Variants in PHTF2 observed in about 807,000 individuals in gnomAD.
PHTF2 encodes putative homeodomain transcription factor 2, also known as protein PHTF2.
PHTF2 carries 60 observed loss-of-function variants against 101.2 expected under a neutral mutation model. The ratio of observed to expected loss-of-function variants is 0.59; its 90% confidence interval spans 0.48 to 0.73. The LOEUF (loss-of-function observed/expected upper bound fraction) is 0.73, where lower values mean the gene tolerates loss of function less well. Among genes scored for constraint, PHTF2 ranks in the 30% least tolerant of loss-of-function variants. The pLI, the probability that PHTF2 is intolerant of heterozygous loss-of-function variation, is 0.00. For synonymous variants in PHTF2, 311 were observed against 307.3 expected (o/e 1.01, Z -0.13); for missense variants, 747 against 908.7 (o/e 0.82, Z 2.29).
chr7:77,883,886 C>G (rs761441461), intron 3 of PHTF2, among the ~76,000 whole-genome samples: 1 of 152,104 alleles, frequency 6.6e-6, no homozygotes, highest in Admixed American at 6.6e-5. Flanking sequence ...ATAATTGAAG[C>G]CTAGAGAGAT....
rs976181808 is a variant in PHTF2, at chr7:77,884,281, A to G, written c.148-9327A>G. On this transcript the variant is annotated intron_variant, in intron 3 of 19. Transcript: ENST00000416283. Reference sequence around the variant, plus strand: ...TGGGGCACAAGTGGTTTTTGGTTACATGATGAATTATATAGTGATGAAGTC... The same window carrying G: ...TGGGGCACAAGTGGTTTTTGGTTACGTGATGAATTATATAGTGATGAAGTC... 6.6e-5 allele frequency among the ~76,000 whole-genome samples: 10 copies of G among 152,242 alleles called. No homozygotes were observed. In the South Asian group the frequency reaches 1.7e-3, roughly 25 times the overall value.
exon 2 of PHTF2, chr7:77,840,253 T>C: frequency 6.2e-7 from 1 of 1,606,972 alleles, no homozygotes. Flanking sequence ...TTCAGTGGAA[T>C]AAATGGCGTC....
chr7:77,883,134 G>T (rs530485488), intron 3 of PHTF2, among the ~76,000 whole-genome samples: 3 of 152,212 alleles, frequency 2.0e-5, no homozygotes, highest in East Asian at 1.9e-4. Context: ...AGACAAATTT[G>T]TTCGAGAAGT....
chr7:77,906,767 G>C lies in PHTF2; in HGVS notation c.446-2026G>C, dbSNP rs565468300. 5.3e-5 allele frequency among the ~76,000 whole-genome samples: 8 copies of C among 152,212 alleles called. No homozygotes were observed. The East Asian group carries it at 1.4e-3, about 26-fold the overall frequency. On this transcript the variant is annotated intron_variant, in intron 7 of 19. Coordinates refer to ENST00000416283, the Ensembl canonical transcript of PHTF2. ...ACTAAAAATACAAAAAATTAGCCAA[G>C]CGTGGTGGCGGGCACCTGTAGTCCC...
At chr7:77,924,004 A>G (rs2150923229) in intron 11 of PHTF2, 11 of 889,822 alleles carry the variant, frequency 1.2e-5, no homozygotes, top group Non-Finnish European at 1.5e-5. Context: ...ATAAGAAATT[A>G]CATAAATATA....
At chr7:77,890,072 C>G (rs1036080887) in intron 3 of PHTF2, among the ~76,000 whole-genome samples, 1 of 147,188 alleles carries the variant, frequency 6.8e-6, no homozygotes, top group East Asian at 2.0e-4. Context: ...AGTTGCCCTT[C>G]CTCTCACCTA....
At chr7:77,906,654 T>C (rs944796467) in intron 7 of PHTF2, among the ~76,000 whole-genome samples, 21 of 152,224 alleles carry the variant, frequency 1.4e-4, no homozygotes, top group Non-Finnish European at 4.4e-5. Flanking sequence ...TGTTCTCCTT[T>C]GTGTCTGAAA....
At chr7:77,853,715 T>C (rs1314972308) in intron 2 of PHTF2, among the ~76,000 whole-genome samples, 1 of 151,904 alleles carries the variant, frequency 6.6e-6, no homozygotes, top group East Asian at 1.9e-4. Flanking sequence ...GATTTTTTTT[T>C]CTCTCTCTCT....
chr7:77,835,950 T>C (rs1239166119), intron 1 of PHTF2, among the ~76,000 whole-genome samples: 2 of 151,910 alleles, frequency 1.3e-5, no homozygotes, highest in African/African-American at 4.8e-5. Flanking sequence ...AGAAACCCTG[T>C]CTCTACTAAA....
chr7:77,908,789 A>G lies in PHTF2; in HGVS notation c.446-4A>G, dbSNP rs755098403. On this transcript the variant is annotated splice_polypyrimidine_tract_variant and splice_region_variant and intron_variant, in intron 7 of 19. Transcript: ENST00000416283. ...TTAAGCATATTTTCTTTCCCTTTTT[A>G]TAGTTGCTGCAATAGTATTATTCTG... The G allele has an allele frequency of 1.3e-6, 2 of 1,544,810 alleles. No homozygotes were observed. The highest frequency in any genetic ancestry group is 8.8e-7 in the Non-Finnish European group (1 of 1,139,534).
At chr7:77,891,577 T>TG (rs1372228371) in intron 3 of PHTF2, among the ~76,000 whole-genome samples, 5 of 103,872 alleles carry the variant, frequency 4.8e-5, no homozygotes, top group African/African-American at 1.2e-4. Context: ...TAATATGGTT[T>TG]TTTTTTGTTG....
At chr7:77,874,568 G>T (rs1230229045) in intron 3 of PHTF2, among the ~76,000 whole-genome samples, 2 of 152,246 alleles carry the variant, frequency 1.3e-5, no homozygotes, top group African/African-American at 4.8e-5. Context: ...AAAGATATAG[G>T]CTGGGAAGCT....
chr7:77,884,876 G>C (rs1799697238), intron 3 of PHTF2, among the ~76,000 whole-genome samples: 1 of 151,782 alleles, frequency 6.6e-6, no homozygotes, highest in South Asian at 2.1e-4. Context: ...TCCAGCCTGG[G>C]TGACAAAGCG....
intron 3 of PHTF2, among the ~76,000 whole-genome samples, chr7:77,890,888 A>C (rs1212663326): frequency 6.9e-6 from 1 of 144,278 alleles, no homozygotes; most frequent in Non-Finnish European, 1.5e-5. Context: ...TACAGGCGTG[A>C]GCCACCGCAC....
intron 1 of PHTF2, among the ~76,000 whole-genome samples, chr7:77,832,934 A>G (rs1253000259): frequency 3.3e-5 from 5 of 152,288 alleles, no homozygotes; most frequent in African/African-American, 9.6e-5. Context: ...CCCTGGTGCT[A>G]AAAAAGGTTG....
chr7:77,923,018 T>A (rs1053194996), intron 11 of PHTF2: 1 of 1,160,812 alleles, frequency 8.6e-7, no homozygotes, highest in East Asian at 4.3e-5. Flanking sequence ...ACTCATACAT[T>A]GTTTGTTGTT....
At chr7:77,820,538 G>C (rs1794202056) in intron 1 of PHTF2, among the ~76,000 whole-genome samples, 1 of 151,870 alleles carries the variant, frequency 6.6e-6, no homozygotes, top group South Asian at 2.1e-4. Context: ...GTGCGTGTGT[G>C]TGTGTTTGTG....
At chr7:77,866,616 A>T (rs1415094050) in intron 3 of PHTF2, among the ~76,000 whole-genome samples, 1 of 152,206 alleles carries the variant, frequency 6.6e-6, no homozygotes, top group Non-Finnish European at 1.5e-5. Context: ...CAGTAAAAAA[A>T]AAAAGTTAAT....
At chr7:77,951,445 A>C (rs1003413444) in intron 17 of PHTF2, among the ~76,000 whole-genome samples, 172 bp from the exon 17 acceptor site, 1 of 152,148 alleles carries the variant, frequency 6.6e-6, no homozygotes, top group Admixed American at 6.5e-5. Flanking sequence ...TTTGAGAAAC[A>C]GTTATTATTT....
Sources: gnomAD v4.1 joint callset for allele counts (sites outside exome capture counted in the v4.1 genomes callset) on GRCh38, gnomAD v4.1.1 for gene constraint, MANE v1.5 for transcripts, NCBI Gene and HGNC (gene_info 2026-07-23, HGNC 2026-07-21) for gene names.